The following BMP6 variants were observed in gnomAD, a reference collection of about 807,000 sequenced individuals.
BMP6 encodes VG-1-R.
In BMP6, 17 loss-of-function variants were observed where a neutral mutation model predicts 54.1. The observed-to-expected ratio is 0.31, with a 90% CI of 0.22 to 0.47. The LOEUF (loss-of-function observed/expected upper bound fraction) is 0.47. Among genes scored for constraint, BMP6 ranks in the 20% least tolerant of loss-of-function variants. The pLI is 1.00. For synonymous variants in BMP6, 328 were observed against 291.2 expected (o/e 1.13, Z -1.28); for missense variants, 720 against 690.4 (o/e 1.04, Z -0.48).
chr6:7,868,525 C>T (rs1385904319), intron 4 of BMP6, among the ~76,000 whole-genome samples: 4 of 152,210 alleles, frequency 2.6e-5, no homozygotes, highest in Admixed American at 6.5e-5. Context: ...ATGGAAAGAG[C>T]GGCCAGGCCC....
At chr6:7,758,343 G>C (rs577633226) in intron 1 of BMP6, among the ~76,000 whole-genome samples, 4 of 152,204 alleles carry the variant, frequency 2.6e-5, no homozygotes, top group Non-Finnish European at 5.9e-5. Context: ...AGATGATGAT[G>C]GTCACCAAGG....
intron 1 of BMP6, among the ~76,000 whole-genome samples, chr6:7,735,788 G>A (rs920141189): frequency 2.0e-5 from 3 of 152,148 alleles, no homozygotes; most frequent in African/African-American, 7.2e-5. Flanking sequence ...CGGTTCACTC[G>A]TAGTGTTGCA....
chr6:7,842,125 G>A (rs1370451157), intron 1 of BMP6, among the ~76,000 whole-genome samples: 8 of 151,676 alleles, frequency 5.3e-5, no homozygotes, highest in Admixed American at 5.3e-4. Context: ...TGTTGTGTTA[G>A]TTGCCTATTA....
rs184067041 is a variant in BMP6, at chr6:7,881,658, G to A, written c.*1315G>A. ...ACTCTTGACAGTTGTGCTTCTCTAG[G>A]AGGTTGGGTTTTTTTAAAAAAAGAA... On this transcript the variant is annotated 3_prime_UTR_variant, in exon 7 of 7. Transcript: ENST00000283147. The A allele has an allele frequency of 2.0e-5, 3 of 152,228 alleles. No individual in the cohort carries two copies. Among genetic ancestry groups the A allele is most frequent in the Admixed American group, 2.0e-4 (3 of 15,298 alleles). The allele number at this position is 152,228 out of a possible 1,614,324, so 9.4% of individuals were successfully genotyped here.
At chr6:7,812,109 G>A (rs964670082) in intron 1 of BMP6, among the ~76,000 whole-genome samples, 1 of 151,098 alleles carries the variant, frequency 6.6e-6, no homozygotes, top group East Asian at 1.9e-4. Flanking sequence ...GTTAGATCAA[G>A]GCTTGTACAT....
Position 7,727,292 on chromosome 6 carries a change from C to G in BMP6, c.337C>G (p.Gln113Glu), listed in dbSNP as rs7745236. Residue 113 changes from glutamine (Q) to glutamate (E), a missense_variant, in exon 1 of 7, where the codon CAG becomes GAG. Gln to Glu is a conservative substitution (Grantham distance 29, BLOSUM62 2). Coordinates refer to ENST00000283147, the MANE Select transcript of BMP6 (RefSeq NM_001718.6). Reference protein sequence around the residue: ...QPPALRQQEEQQQQQQLPRGE... With the variant: ...QPPALRQQEEEQQQQQLPRGE... ...CCCGGCGCTCCGGCAGCAGGAGGAG[C>G]AGCAGCAGCAGCAGCAGCTGCCTCG... The G allele has an allele frequency of 2.7e-3, 4,309 of 1,576,856 alleles. 43 individuals are homozygous for G. The African/African-American group carries it at 0.03, about 11-fold the overall frequency.
intron 1 of BMP6, among the ~76,000 whole-genome samples, chr6:7,834,792 A>G (rs538852237): frequency 3.3e-5 from 5 of 152,386 alleles, no homozygotes; most frequent in African/African-American, 1.2e-4. Flanking sequence ...AATCTAGTCC[A>G]GAGATCGGGA....
At chr6:7,847,247 G>A (rs1017404467) in intron 2 of BMP6, among the ~76,000 whole-genome samples, 4 of 152,178 alleles carry the variant, frequency 2.6e-5, no homozygotes, top group Admixed American at 6.5e-5. Context: ...GGAGCATTTG[G>A]CACCTGCATG....
intron 1 of BMP6, among the ~76,000 whole-genome samples, chr6:7,813,108 A>AAAAAAAAAAATATAT (rs1554122651): frequency 9.3e-5 from 2 of 21,478 alleles, no homozygotes; most frequent in Non-Finnish European, 1.5e-4. Flanking sequence ...AAAAAAAAAA[A>AAAAAAAAAAATATAT]ATATATATAT....
At chr6:7,868,902 C>T (rs1328392840) in intron 4 of BMP6, among the ~76,000 whole-genome samples, 1 of 152,218 alleles carries the variant, frequency 6.6e-6, no homozygotes, top group Non-Finnish European at 1.5e-5. Flanking sequence ...CCCTCTCCCT[C>T]CTTCTCACCT....
At chr6:7,863,789 C>T (rs374380132) in intron 4 of BMP6, among the ~76,000 whole-genome samples, 132 of 152,162 alleles carry the variant, frequency 8.7e-4, no homozygotes, top group African/African-American at 2.9e-3. Context: ...GAGGCTGAGG[C>T]GGGCGGATTA....
chr6:7,759,863 C>T (rs538022788), intron 1 of BMP6, among the ~76,000 whole-genome samples: 1 of 151,504 alleles, frequency 6.6e-6, no homozygotes, highest in East Asian at 1.9e-4. Context: ...GCCACCATGC[C>T]TGGCTAATTT....
chr6:7,776,727 T>C (rs533171653), intron 1 of BMP6, among the ~76,000 whole-genome samples: 3 of 152,228 alleles, frequency 2.0e-5, no homozygotes, highest in Non-Finnish European at 4.4e-5. Flanking sequence ...CATGATTCAC[T>C]GCAACCTTGA....
chr6:7,798,314 C>T (rs986666084), intron 1 of BMP6, among the ~76,000 whole-genome samples: 4 of 152,172 alleles, frequency 2.6e-5, no homozygotes, highest in African/African-American at 7.2e-5. Flanking sequence ...GTGAGGACTT[C>T]GAGCCCAGCG....
chr6:7,812,202 C>A (rs1758445765), intron 1 of BMP6, among the ~76,000 whole-genome samples: 1 of 152,188 alleles, frequency 6.6e-6, no homozygotes, highest in Non-Finnish European at 1.5e-5. Flanking sequence ...GTGAATCCAT[C>A]TGCGTGTTCT....
intron 2 of BMP6, among the ~76,000 whole-genome samples, chr6:7,849,478 C>T (rs138246605): frequency 6.6e-6 from 1 of 152,270 alleles, no homozygotes; most frequent in African/African-American, 2.4e-5. Flanking sequence ...GTATAGACTG[C>T]TCTGAATGAC....
rs73381630 is a variant in BMP6, at chr6:7,793,636, A to G, written c.665-51504A>G. On this transcript the variant is annotated intron_variant, in intron 1 of 6. Transcript: ENST00000283147. ...TTGGTGGGAGGCAGACAGGGGGCAT[A>G]TGAGAACTCTCTGTACCTTGTGCTC... Among the ~76,000 whole-genome samples the G allele has an allele frequency of 2.4e-3, 360 of 152,338 alleles. 3 individuals carry two copies. The highest frequency in any genetic ancestry group is 8.3e-3 in the African/African-American group (347 of 41,584).
intron 4 of BMP6, among the ~76,000 whole-genome samples, chr6:7,878,714 C>CTGATCATGTGAATG (rs1759661806): frequency 6.6e-6 from 1 of 152,254 alleles, no homozygotes; most frequent in Non-Finnish European, 1.5e-5. Flanking sequence ...GTAGCGTTGT[C>CTGATCATGTGAATG]TGATCATGTG....
intron 1 of BMP6, among the ~76,000 whole-genome samples, chr6:7,731,868 T>C (rs1186081440): frequency 6.6e-6 from 1 of 152,220 alleles, no homozygotes; most frequent in Admixed American, 6.5e-5. Flanking sequence ...TATCTGCATT[T>C]CAGATTTCAC....
Sources: gnomAD v4.1 joint callset for allele counts (sites outside exome capture counted in the v4.1 genomes callset) on GRCh38, gnomAD v4.1.1 for gene constraint, MANE v1.5 for transcripts, NCBI Gene and HGNC (gene_info 2026-07-23, HGNC 2026-07-21) for gene names.